Variants in NTNG1 observed in about 807,000 individuals in gnomAD.
The protein encoded by NTNG1 is netrin G1.
A neutral mutation model predicts 54.0 loss-of-function variants in NTNG1; 16 were observed. The ratio of observed to expected loss-of-function variants is 0.30; its 90% CI spans 0.20 to 0.45. NTNG1 has a LOEUF of 0.45. Ranked by LOEUF, NTNG1 falls within the 20% of genes least tolerant of loss-of-function variation. NTNG1 has a pLI of 1.00. For synonymous variants in NTNG1, 255 were observed against 263.1 expected, an observed-to-expected ratio of 0.97 and a Z score of 0.30; for missense variants, 530 against 678.7, an observed-to-expected ratio of 0.78 and a Z score of 2.43.
At chr1:107,309,855 C>T (rs1008976342) in intron 2 of NTNG1, among the ~76,000 whole-genome samples, 2 of 152,160 alleles carry the variant, frequency 1.3e-5, no homozygotes, top group Admixed American at 6.5e-5. Context: ...TTAAACCTAT[C>T]TCCTACTACC....
At position 107,186,897 on chromosome 1, in the gene NTNG1, T is replaced by C. The variant is rs12043932; in HGVS notation, c.246+38058T>C. On this transcript the variant is annotated intron_variant, in intron 2 of 7. Transcript: ENST00000370068. ...CTCTTGCGATCCTTGTAACATCTTATGAAAGAGGTTTTATTATTATCCTTA... is the reference window on the plus strand; with the variant it reads ...CTCTTGCGATCCTTGTAACATCTTACGAAAGAGGTTTTATTATTATCCTTA... Among the ~76,000 whole-genome samples the C allele has an allele frequency of 3.9e-5, 6 of 152,326 alleles. No homozygotes were observed. In the East Asian group the frequency reaches 1.2e-3, roughly 29 times the overall value.
chr1:107,197,160 G>A (rs904029044), intron 2 of NTNG1, among the ~76,000 whole-genome samples: 1 of 151,928 alleles, frequency 6.6e-6, no homozygotes, highest in Non-Finnish European at 1.5e-5. Context: ...ACCTACAGGG[G>A]GCGCTGTATA....
intron 2 of NTNG1, 116 bp from the exon 3 acceptor site, chr1:107,324,166 T>A (rs1667811593): frequency 2.3e-6 from 2 of 878,056 alleles, no homozygotes; most frequent in East Asian, 2.4e-5. Context: ...ATAAAAATGA[T>A]TACTGAAAAC....
At chr1:107,424,808 C>T (rs1570933705) in intron 5 of NTNG1, among the ~76,000 whole-genome samples, 1 of 152,106 alleles carries the variant, frequency 6.6e-6, no homozygotes, top group East Asian at 1.9e-4. Context: ...GGGAGTCTCA[C>T]TAATTAATTG....
At chr1:107,476,872 G>A (rs1019277442) in intron 7 of NTNG1, among the ~76,000 whole-genome samples, 4 of 152,292 alleles carry the variant, frequency 2.6e-5, no homozygotes, top group African/African-American at 9.6e-5. Flanking sequence ...TCCAGCCATA[G>A]CAGTCCATGC....
intron 2 of NTNG1, among the ~76,000 whole-genome samples, chr1:107,238,312 A>AC (rs1661556156): frequency 6.6e-6 from 1 of 151,918 alleles, no homozygotes; most frequent in African/African-American, 2.4e-5. Flanking sequence ...AATGCTTATT[A>AC]CCCCCATTGT....
At chr1:107,303,636 A>G (rs1360375330) in intron 2 of NTNG1, among the ~76,000 whole-genome samples, 2 of 151,892 alleles carry the variant, frequency 1.3e-5, no homozygotes, top group African/African-American at 4.8e-5. Context: ...CTACTATCCC[A>G]TTTTCCCTGC....
At chr1:107,373,620 C>G (rs1381780844) in intron 3 of NTNG1, among the ~76,000 whole-genome samples, 1 of 149,592 alleles carries the variant, frequency 6.7e-6, no homozygotes, top group East Asian at 2.0e-4. Context: ...TCTTGCAGCA[C>G]ATGTCTGCTG....
At chr1:107,356,689 G>A (rs1196763442) in intron 3 of NTNG1, among the ~76,000 whole-genome samples, 4 of 150,262 alleles carry the variant, frequency 2.7e-5, no homozygotes, top group Admixed American at 6.6e-5. Context: ...TAGAAGAAAC[G>A]TATTGTATCC....
intron 3 of NTNG1, among the ~76,000 whole-genome samples, chr1:107,355,469 G>A (rs549404322): frequency 1.7e-4 from 26 of 151,866 alleles, no homozygotes; most frequent in African/African-American, 5.3e-4. Context: ...AATGGGGACT[G>A]GATCTATTTA....
At chr1:107,237,932 C>G (rs982264835) in intron 2 of NTNG1, among the ~76,000 whole-genome samples, 4 of 152,268 alleles carry the variant, frequency 2.6e-5, no homozygotes, top group African/African-American at 9.6e-5. Flanking sequence ...TTCGGATCCC[C>G]CACAGAGAGT....
chr1:107,361,948 A>T (rs1370620733), intron 3 of NTNG1, among the ~76,000 whole-genome samples: 3 of 152,136 alleles, frequency 2.0e-5, no homozygotes, highest in African/African-American at 7.2e-5. Context: ...TCCATGGAGT[A>T]CTCAGCTGGA....
chr1:107,462,015 G>A (rs1425246602), intron 7 of NTNG1, among the ~76,000 whole-genome samples: 3 of 152,174 alleles, frequency 2.0e-5, no homozygotes, highest in African/African-American at 7.2e-5. Flanking sequence ...GGGTGTTAGT[G>A]GCTTGGACCA....
At chr1:107,386,459 C>T (rs1483260722) in intron 3 of NTNG1, among the ~76,000 whole-genome samples, 1 of 152,140 alleles carries the variant, frequency 6.6e-6, no homozygotes, top group African/African-American at 2.4e-5. Context: ...CAGGCGTGTG[C>T]CACCACTCCT....
intron 2 of NTNG1, among the ~76,000 whole-genome samples, chr1:107,180,246 A>G (rs1394294929): frequency 6.6e-6 from 1 of 152,138 alleles, no homozygotes; most frequent in Non-Finnish European, 1.5e-5. Context: ...GGTCTTAGTC[A>G]ATCCTTTTAC....
chr1:107,415,653 A>C (rs547751163), intron 5 of NTNG1, among the ~76,000 whole-genome samples: 1 of 152,144 alleles, frequency 6.6e-6, no homozygotes, highest in African/African-American at 2.4e-5. Flanking sequence ...GATTTTCCCT[A>C]GTTGATTTGT....
At chr1:107,272,669 GTATACAGTTGAGCAAGTGAAAGCCAT>G (rs1664221901) in intron 2 of NTNG1, among the ~76,000 whole-genome samples, 1 of 152,162 alleles carries the variant, frequency 6.6e-6, no homozygotes, top group Non-Finnish European at 1.5e-5. Flanking sequence ...ATTTCCCCAT[GTATACAGTTGAGCAAGTGAAAGCCAT>G]TCTGTATGTA....
chr1:107,314,824 T>A (rs957587941), intron 2 of NTNG1, among the ~76,000 whole-genome samples: 1 of 152,208 alleles, frequency 6.6e-6, no homozygotes. Context: ...ATTTATTAAA[T>A]TTAGCAAGTA....
intron 1 of NTNG1, among the ~76,000 whole-genome samples, chr1:107,147,243 C>T (rs1269499368): frequency 1.3e-5 from 2 of 152,014 alleles, no homozygotes; most frequent in African/African-American, 4.8e-5. Flanking sequence ...TGCTTCATGG[C>T]CTGTTAACTC....
Sources: gnomAD v4.1 joint callset for allele counts (sites outside exome capture counted in the v4.1 genomes callset) on GRCh38, gnomAD v4.1.1 for gene constraint, MANE v1.5 for transcripts, NCBI Gene and HGNC (gene_info 2026-07-23, HGNC 2026-07-21) for gene names.